The following TXNIP variants were observed in gnomAD, a reference collection of about 807,000 sequenced individuals.
TXNIP encodes the protein thioredoxin-interacting protein.
TXNIP carries 23 observed loss-of-function variants against 43.9 expected under a neutral mutation model. The ratio of observed to expected loss-of-function variants is 0.52; its 90% CI spans 0.38 to 0.74. TXNIP has a LOEUF of 0.74. Among genes scored for constraint, TXNIP ranks in the 30% least tolerant of loss-of-function variants. TXNIP has a pLI of 0.00. For missense variants in TXNIP, 555 were observed against 485.4 expected, an observed-to-expected ratio of 1.14 and a Z score of -1.35; for synonymous variants, 234 against 172.2, an observed-to-expected ratio of 1.36 and a Z score of -2.81.
chr1:145,993,791 G>C lies in TXNIP; in HGVS notation c.*60C>G. 3.1e-6 allele frequency: 5 copies of C among 1,598,094 alleles called. No individual in the cohort carries two copies. The highest frequency in any genetic ancestry group is 4.3e-6 in the Non-Finnish European group (5 of 1,167,522). ...CTGTTGAGTCTCTGAAAAAGTGAGT[G>C]TCCAGGAAGAGAGACAAAAAGAAAC... On this transcript the variant is annotated 3_prime_UTR_variant, in exon 8 of 8. Coordinates refer to ENST00000582401, the MANE Select transcript of TXNIP (RefSeq NM_006472.6).
intron 4 of TXNIP, 22 bp downstream of exon 4, chr1:145,994,907 G>A (rs782091132): frequency 6.2e-7 from 1 of 1,613,992 alleles, no homozygotes; most frequent in South Asian, 1.1e-5. Flanking sequence ...TGTTTTAACT[G>A]CCATAAGCAC....
rs782324719 is a variant in TXNIP at position 145,996,246 on chromosome 1, G to T, written c.21C>A (p.Ile7=). 2.5e-6 allele frequency: 4 copies of T among 1,613,700 alleles called. No individual in the cohort carries two copies. The highest frequency in any genetic ancestry group is 3.4e-6 in the Non-Finnish European group (4 of 1,179,988). ...CGTTAAAGACCACCTCAAAAGACTT[G>T]ATCTTCTTGAACATCACCATGATGG... MVMFKK[I]KSFEVVFNDP... The change falls in exon 1 of 8, where the codon ATC becomes ATA. Residue 7 remains isoleucine (I), a synonymous_variant. Coordinates refer to ENST00000582401, the MANE Select transcript of TXNIP (RefSeq NM_006472.6).
chr1:145,995,046 A>T lies in TXNIP; in HGVS notation c.472-15T>A, dbSNP rs1651411170. Reference sequence around the variant, plus strand: ...GACACAGGTGCCTATATAGAAGGGGATAAAAAGGTGTTTTGAGATGCTTCA... The same window carrying T: ...GACACAGGTGCCTATATAGAAGGGGTTAAAAAGGTGTTTTGAGATGCTTCA... On this transcript the variant is annotated splice_polypyrimidine_tract_variant and intron_variant, in intron 3 of 7. Coordinates refer to ENST00000582401, the MANE Select transcript of TXNIP (RefSeq NM_006472.6). The T allele has an allele frequency of 6.2e-7, 1 of 1,613,822 alleles. No homozygotes were observed. The highest frequency in any genetic ancestry group is 1.1e-5 in the South Asian group (1 of 91,088).
intron 7 of TXNIP, 36 bp from the exon 8 acceptor site, chr1:145,993,922 GAACA>G: frequency 6.2e-7 from 1 of 1,613,916 alleles, no homozygotes; most frequent in Non-Finnish European, 8.5e-7. Flanking sequence ...GTTCAGGTAA[GAACA>G]AAAAGAACAA....
chr1:145,996,001 G>C lies in TXNIP; in HGVS notation c.250+16C>G, dbSNP rs782558600. On this transcript the variant is annotated intron_variant, in intron 1 of 7. Coordinates refer to ENST00000582401, the MANE Select transcript of TXNIP (RefSeq NM_006472.6). Reference sequence around the variant, plus strand: ...TAATCAGCTTTCACCCTCCAACAATGAATTGGGCCGCTTACCTGTTGGCTG... The same window carrying C: ...TAATCAGCTTTCACCCTCCAACAATCAATTGGGCCGCTTACCTGTTGGCTG... 2 of 1,611,722 alleles carry C rather than the reference G, an allele frequency of 1.2e-6. No individual in the cohort carries two copies. The highest frequency in any genetic ancestry group is 3.3e-5 in the Admixed American group (2 of 59,976).
At position 145,996,411 on chromosome 1, in the gene TXNIP, G is replaced by A; in HGVS notation, c.-145C>T. On this transcript the variant is annotated 5_prime_UTR_variant, in exon 1 of 8. Transcript: ENST00000582401. Reference sequence around the variant, plus strand: ...CAGTTTGAGCTTAAAAATAAAATAAGATTTAAACAAATGAATATTAACTAC... The same window carrying A: ...CAGTTTGAGCTTAAAAATAAAATAAAATTTAAACAAATGAATATTAACTAC... 2 of 1,021,372 alleles carry A rather than the reference G, an allele frequency of 2.0e-6. No individual in the cohort carries two copies. Among genetic ancestry groups the A allele is most frequent in the Non-Finnish European group, 2.8e-6 (2 of 714,166 alleles). 63.3% of individuals were successfully genotyped at this position (1,021,372 alleles called of 1,614,324 possible). A position where few individuals can be genotyped will look rare whatever the true frequency, so the allele number is the denominator to read the frequency against.
rs1651195982 is a variant in TXNIP, at chr1:145,992,554, T to C, written c.*1297A>G. On this transcript the variant is annotated 3_prime_UTR_variant, in exon 8 of 8. Coordinates refer to ENST00000582401, the MANE Select transcript of TXNIP (RefSeq NM_006472.6). ...CTTTACCATACAAAAAGATACATAA[T>C]ACAAAAACATGAAACCAACCATCTT... 6.6e-6 allele frequency: 1 copy of C among 152,622 alleles called. No individual in the cohort carries two copies. The highest frequency in any genetic ancestry group is 2.1e-4 in the South Asian group (1 of 4,834). 9.5% of individuals were successfully genotyped at this position (152,622 alleles called of 1,614,324 possible).
At chr1:145,994,856 C>T in intron 4 of TXNIP, 56 bp from the exon 5 acceptor site, 1 of 1,613,650 alleles carries the variant, frequency 6.2e-7, no homozygotes, top group African/African-American at 1.3e-5. Flanking sequence ...ATGACACTTC[C>T]TCTACCCCAG....
Position 145,995,005 on chromosome 1 carries a change from C to A in TXNIP, c.498G>T (p.Lys166Asn). 6.2e-7 allele frequency: 1 copy of A among 1,614,062 alleles called. No homozygotes were observed. The highest frequency in any genetic ancestry group is 8.5e-7 in the Non-Finnish European group (1 of 1,179,972). The change falls in exon 4 of 8, where the codon AAG becomes AAT. Residue 166 changes from lysine to asparagine, a missense_variant. By Grantham distance (94) the Lys-to-Asn change is moderately conservative (BLOSUM62 0). Coordinates refer to ENST00000582401, the MANE Select transcript of TXNIP (RefSeq NM_006472.6). Reference protein sequence around the residue: ...LMAPVSAKKEKKVSCMFIPDG... With the variant: ...LMAPVSAKKENKVSCMFIPDG... ...CAGGAATGAACATGCAGGAAACTTTCTTTTCTTTTTTAGCAGACACAGGTG... is the reference window on the plus strand; with the variant it reads ...CAGGAATGAACATGCAGGAAACTTTATTTTCTTTTTTAGCAGACACAGGTG...
Position 145,994,344 on chromosome 1 carries a change from T to C in TXNIP, c.925A>G (p.Met309Val). 4 of 1,614,216 alleles carry C rather than the reference T, an allele frequency of 2.5e-6. No individual in the cohort carries two copies. The highest frequency in any genetic ancestry group is 3.4e-6 in the Non-Finnish European group (4 of 1,180,036). The change falls in exon 6 of 8, where the codon ATG (methionine) becomes GTG (valine). Residue 309 changes from methionine (M) to valine (V), a missense_variant. Coordinates refer to ENST00000582401, the MANE Select transcript of TXNIP (RefSeq NM_006472.6). ...RSGLSSRTSSMASRTSSEMSW... is the reference protein window; with the variant it reads ...RSGLSSRTSSVASRTSSEMSW... ...ATCTCAGAGCTGGTTCGGCTGGCCA[T>C]GCTGGATGTTCTGCTGCTTAGACCT...
rs1553766330 is a variant in TXNIP at position 145,995,387 on chromosome 1, A to AT, written c.323+16dup. Reference sequence around the variant, plus strand: ...TTTAGACAGAAAAGTTCAAAGATGCATTTAGCTGATATTTACCCCTGAGGA... The same window carrying AT: ...TTTAGACAGAAAAGTTCAAAGATGCATTTTAGCTGATATTTACCCCTGAGGA... On this transcript the variant is annotated intron_variant, in intron 2 of 7. Coordinates refer to ENST00000582401, the MANE Select transcript of TXNIP (RefSeq NM_006472.6). The AT allele has an allele frequency of 6.2e-7, 1 of 1,612,874 alleles. No homozygotes were observed. The highest frequency in any genetic ancestry group is 1.7e-5 in the Admixed American group (1 of 59,938).
chr1:145,993,035 A>G lies in TXNIP; in HGVS notation c.*816T>C, dbSNP rs1222326818. 2.6e-5 allele frequency: 4 copies of G among 152,798 alleles called. No homozygotes were observed. The highest frequency in any genetic ancestry group is 9.6e-5 in the African/African-American group (4 of 41,474). 9.5% of individuals were successfully genotyped at this position (152,798 alleles called of 1,614,324 possible). On this transcript the variant is annotated 3_prime_UTR_variant, in exon 8 of 8. Transcript: ENST00000582401. ...AAGATGGCAGAAGGGGAGAACAAAA[A>G]ATTTGACAGGAATTAAAGTGCTAAG...
Position 145,994,668 on chromosome 1 carries a change from G to A in TXNIP, c.707C>T (p.Ser236Leu), listed in dbSNP as rs1553766115. 1 of 1,614,214 alleles carries A rather than the reference G, an allele frequency of 6.2e-7. No homozygotes were observed. The highest frequency in any genetic ancestry group is 8.5e-7 in the Non-Finnish European group (1 of 1,180,042). The change falls in exon 5 of 8, where the codon TCA becomes TTA. Residue 236 changes from serine to leucine, a missense_variant. Coordinates refer to ENST00000582401, the MANE Select transcript of TXNIP (RefSeq NM_006472.6). ...TGAGATAATATGATTGCCTCTGACT[G>A]ATGACAACTTCTGAGTCAGCACCTT... ...QTKVLTQKLS[S>L]VRGNHIISGT...
Position 145,996,033 on chromosome 1 carries a change from CAGA to C in TXNIP, c.231_233del (p.Leu78del), listed in dbSNP as rs782482263. ...GCCGCTTACCTGTTGGCTGGTCTTC[CAGA>C]AGAAGCGTGTCTTCATAGCGCAGGT... On this transcript the variant is annotated inframe_deletion, in exon 1 of 8. Transcript: ENST00000582401. 9.3e-6 allele frequency: 15 copies of C among 1,613,514 alleles called. No homozygotes were observed. The highest frequency in any genetic ancestry group is 1.3e-5 in the Non-Finnish European group (15 of 1,179,910).
intron 2 of TXNIP, 46 bp from the exon 3 acceptor site, chr1:145,995,337 A>G (rs782130000): frequency 3.1e-6 from 5 of 1,610,834 alleles, no homozygotes; most frequent in Non-Finnish European, 4.2e-6. Context: ...CAAGAACAGT[A>G]AGTGATCAAA....
chr1:145,995,303 A>G lies in TXNIP; in HGVS notation c.324-12T>C. The G allele has an allele frequency of 3.1e-6, 5 of 1,610,618 alleles. No individual in the cohort carries two copies. Among genetic ancestry groups the G allele is most frequent in the Non-Finnish European group, 4.2e-6 (5 of 1,177,532 alleles). ...ATGTTCCCAGAGGCCTGTGTCAAGA[A>G]AATGAAAATTTTAAAACGCTCTCCA... On this transcript the variant is annotated splice_polypyrimidine_tract_variant and intron_variant, in intron 2 of 7. Transcript: ENST00000582401.
Position 145,994,267 on chromosome 1 carries a change from T to A in TXNIP, c.988+14A>T, listed in dbSNP as rs782539229. ...TAGACCAGAAACAAAGAAAAGACAT[T>A]AGGTCTGGCTCACCTTCTGGGGTAT... On this transcript the variant is annotated intron_variant, in intron 6 of 7. Transcript: ENST00000582401. 1.9e-5 allele frequency: 30 copies of A among 1,613,308 alleles called. No individual in the cohort carries two copies. Among genetic ancestry groups the A allele is most frequent in the Non-Finnish European group, 8.5e-7 (1 of 1,179,722 alleles).
intron 3 of TXNIP, 56 bp from the exon 4 acceptor site, chr1:145,995,087 C>G: frequency 6.2e-7 from 1 of 1,613,210 alleles, no homozygotes. Context: ...ATGCCCAAGA[C>G]GTCTGATTTA....
intron 5 of TXNIP, 31 bp downstream of exon 5, chr1:145,994,513 T>A: frequency 6.2e-7 from 1 of 1,613,578 alleles, no homozygotes; most frequent in Non-Finnish European, 8.5e-7. Context: ...ATGAACAATT[T>A]CTCTGCTGAA....
Sources: gnomAD v4.1 joint callset for allele counts on GRCh38, gnomAD v4.1.1 for gene constraint, MANE v1.5 for transcripts, NCBI Gene and HGNC (gene_info 2026-07-23, HGNC 2026-07-21) for gene names.